The following EPG5 variants were observed in gnomAD, a reference collection of about 807,000 sequenced individuals.
EPG5 encodes ectopic P granules protein 5 homolog.
Under a neutral mutation model 302.7 loss-of-function variants are expected in EPG5, and 159 were observed. The ratio of observed to expected loss-of-function variants is 0.53; its 90% CI spans 0.46 to 0.60. The LOEUF (loss-of-function observed/expected upper bound fraction) is 0.60. EPG5 is among the 20% of genes least tolerant of loss of function. EPG5 has a pLI of 0.00. For synonymous variants in EPG5, 1,158 were observed against 1,136.8 expected, an observed-to-expected ratio of 1.02 and a Z score of -0.37; for missense variants, 2,896 against 3,092.4, an observed-to-expected ratio of 0.94 and a Z score of 1.51.
At chr18:45,886,676 G>A (rs1209027153) in intron 29 of EPG5, among the ~76,000 whole-genome samples, 1 of 149,378 alleles carries the variant, frequency 6.7e-6, no homozygotes, top group Admixed American at 6.6e-5. Flanking sequence ...TTTTTTTTTT[G>A]AGACAGAGTT....
chr18:45,930,827 G>C lies in EPG5; in HGVS notation c.2261C>G (p.Pro754Arg), dbSNP rs1163010781. Residue 754 changes from proline to arginine, a missense_variant, in exon 12 of 44, where the codon CCA becomes CGA. Coordinates refer to ENST00000282041, the MANE Select transcript of EPG5 (RefSeq NM_020964.3). Reference sequence around the variant, plus strand: ...CTTCTCAAAGTTGGTAAAATGTTCTGGGTCTGCAAGTTCATATCAAGAAAA... The same window carrying C: ...CTTCTCAAAGTTGGTAAAATGTTCTCGGTCTGCAAGTTCATATCAAGAAAA... ...PAQCKQQLQD[P>R]EHFTNFEKCL... 2.5e-6 allele frequency: 4 copies of C among 1,585,500 alleles called. No homozygotes were observed. The highest frequency in any genetic ancestry group is 3.4e-6 in the Non-Finnish European group (4 of 1,171,634).
At chr18:45,948,990 T>A (rs1452617431) in intron 5 of EPG5, among the ~76,000 whole-genome samples, 1 of 152,090 alleles carries the variant, frequency 6.6e-6, no homozygotes, top group East Asian at 1.9e-4. Context: ...TTGCTATGAG[T>A]AACAAAATGA....
chr18:45,885,897 C>A (rs142678662), intron 29 of EPG5, among the ~76,000 whole-genome samples: 5 of 152,084 alleles, frequency 3.3e-5, no homozygotes, highest in African/African-American at 9.6e-5. Flanking sequence ...ATCACCAATT[C>A]ACAAAAGTAT....
intron 27 of EPG5, among the ~76,000 whole-genome samples, chr18:45,898,363 G>A (rs942821139): frequency 2.0e-5 from 3 of 152,142 alleles, no homozygotes; most frequent in African/African-American, 7.2e-5. Context: ...TATGATAAAG[G>A]CCACCTTGCA....
intron 16 of EPG5, among the ~76,000 whole-genome samples, chr18:45,920,381 A>G (rs1271663197): frequency 6.6e-6 from 1 of 152,244 alleles, no homozygotes; most frequent in Non-Finnish European, 1.5e-5. Context: ...AGTAACTGTA[A>G]GAGGAACACA....
intron 10 of EPG5, among the ~76,000 whole-genome samples, chr18:45,937,667 A>G (rs1273208902): frequency 1.3e-5 from 2 of 151,960 alleles, no homozygotes; most frequent in Non-Finnish European, 2.9e-5. Context: ...TCAGCCTACC[A>G]AAGTGCTGGG....
At chr18:45,866,699 C>T in intron 38 of EPG5, 99 bp downstream of exon 38, 1 of 908,662 alleles carries the variant, frequency 1.1e-6, no homozygotes, top group South Asian at 1.4e-5. Flanking sequence ...CCGACTTCCT[C>T]TGCTGAGCAC....
the EPG5 span, chr18:45,838,417 C>T: frequency 2.0e-6 from 1 of 488,922 alleles, no homozygotes; most frequent in Non-Finnish European, 3.6e-6. Context: ...CAATAATGGC[C>T]ACTTAGCATT....
chr18:45,903,875 A>T, intron 25 of EPG5, 98 bp downstream of exon 25: 1 of 1,261,740 alleles, frequency 7.9e-7, no homozygotes, highest in Non-Finnish European at 1.1e-6. Context: ...AGGAAAAATG[A>T]ACACTGGGGG....
In EPG5 at chr18:45,916,181, G is replaced by A. The variant is rs2050027099; in HGVS notation, c.3410C>T (p.Pro1137Leu). The A allele has an allele frequency of 5.0e-6, 8 of 1,613,620 alleles. No individual in the cohort carries two copies. The highest frequency in any genetic ancestry group is 6.8e-6 in the Non-Finnish European group (8 of 1,179,862). ...IQAHISVSTQ[P>L]NEVGPVAVLE... ...CACAGCAACGGGGCCCACTTCATTG[G>A]GCTGAGTGCTTACAGATATGTGTGC... The change falls in exon 19 of 44, where the codon CCC (proline) becomes CTC (leucine). Residue 1137 changes from proline to leucine, a missense_variant. By Grantham distance (98) the Pro-to-Leu change is moderately conservative. Transcript: ENST00000282041.
At chr18:45,900,835 C>T (rs2049597234) in intron 26 of EPG5, among the ~76,000 whole-genome samples, 161 bp downstream of exon 26, 1 of 152,210 alleles carries the variant, frequency 6.6e-6, no homozygotes, top group Admixed American at 6.5e-5. Flanking sequence ...AATTATAAGA[C>T]TTGTCACAAC....
At chr18:45,815,892 C>G in the EPG5 span, among the ~76,000 whole-genome samples, 26 of 152,252 alleles carry the variant, frequency 1.7e-4, no homozygotes, top group Admixed American at 1.0e-3. Flanking sequence ...TCAAACTATA[C>G]TATAAGGCCA....
intron 1 of EPG5, 48 bp from the exon 2 acceptor site, chr18:45,955,386 G>T: frequency 7.8e-7 from 1 of 1,289,308 alleles, no homozygotes; most frequent in Non-Finnish European, 1.1e-6. Context: ...AATAATTAAT[G>T]CTTTCAGCAG....
At chr18:45,965,673 T>C (rs1313511867) in intron 1 of EPG5, among the ~76,000 whole-genome samples, 1 of 152,190 alleles carries the variant, frequency 6.6e-6, no homozygotes, top group East Asian at 1.9e-4. Flanking sequence ...CCTCCTTATT[T>C]CCCAAATGTA....
intron 24 of EPG5, among the ~76,000 whole-genome samples, chr18:45,905,550 G>T (rs143248340): frequency 3.7e-3 from 564 of 152,292 alleles, no homozygotes; most frequent in African/African-American, 0.013. Flanking sequence ...GGGTCACTCT[G>T]TCACTTTCTC....
chr18:45,948,415 T>G, intron 6 of EPG5, 88 bp downstream of exon 6: 1 of 1,032,380 alleles, frequency 9.7e-7, no homozygotes, highest in Non-Finnish European at 1.5e-6. Context: ...TTAGCTGTTC[T>G]TCTTTGGATC....
intron 24 of EPG5, 75 bp from the exon 25 acceptor site, chr18:45,904,192 T>C (rs1599536870): frequency 1.3e-6 from 2 of 1,514,366 alleles, no homozygotes; most frequent in African/African-American, 1.4e-5. Flanking sequence ...TATTTAACTA[T>C]AAAGTGAACC....
intron 22 of EPG5, among the ~76,000 whole-genome samples, 196 bp downstream of exon 22, chr18:45,912,094 A>C (rs2049917505): frequency 6.6e-6 from 1 of 152,190 alleles, no homozygotes; most frequent in Admixed American, 6.5e-5. Flanking sequence ...GGTAAAGAGA[A>C]GCTGCCACAA....
At chr18:45,905,620 A>G (rs1467072529) in intron 24 of EPG5, among the ~76,000 whole-genome samples, 1 of 152,248 alleles carries the variant, frequency 6.6e-6, no homozygotes, top group Admixed American at 6.5e-5. Context: ...ACTAGGAATT[A>G]ATGATAGGTA....
Sources: allele counts gnomAD v4.1 joint callset (sites outside exome capture counted in the v4.1 genomes callset), GRCh38; gene constraint gnomAD v4.1.1; transcripts MANE v1.5; gene names NCBI Gene and HGNC (gene_info 2026-07-23, HGNC 2026-07-21).